DES: variants seen among roughly 807,000 people sequenced by gnomAD.
DES encodes cardiomyopathy, dilated 1F (autosomal dominant).
Under a neutral mutation model 55.1 loss-of-function variants are expected in DES, and 34 were observed. The observed-to-expected ratio is 0.62, with a 90% confidence interval of 0.47 to 0.82. DES has a LOEUF of 0.82. Among genes scored for constraint, DES ranks in the 40% least tolerant of loss-of-function variants. The probability of loss-of-function intolerance (pLI) is 0.00; values close to 1 mark genes in which losing one functional copy is unlikely to be tolerated. For synonymous variants in DES, 259 were observed against 270.8 expected (o/e 0.96, Z 0.43); for missense variants, 596 against 645.9 (o/e 0.92, Z 0.84).
chr2:219,426,029 C>T lies in DES; in HGVS notation c.*39C>T. On this transcript the variant is annotated 3_prime_UTR_variant, in exon 9 of 9. Coordinates refer to ENST00000373960, the MANE Select transcript of DES (RefSeq NM_001927.4). This position sits in a 1 kb window ranked among gnomAD's most constrained non-coding sequence, Gnocchi z 4.5. ...CTGCCACCAGAGACCGTCCTCACCC[C>T]TGTCCTCACTGCTCCCTGAAGCCAG... The T allele has an allele frequency of 6.2e-7, 1 of 1,610,760 alleles. No individual in the cohort carries two copies. Among genetic ancestry groups the T allele is most frequent in the Non-Finnish European group, 8.5e-7 (1 of 1,177,260 alleles).
chr2:219,426,060 T>C lies in DES; in HGVS notation c.*70T>C. 1.3e-6 allele frequency: 2 copies of C among 1,573,568 alleles called. No homozygotes were observed. Among genetic ancestry groups the C allele is most frequent in the South Asian group, 1.1e-5 (1 of 89,724 alleles). On this transcript the variant is annotated 3_prime_UTR_variant, in exon 9 of 9. Coordinates refer to ENST00000373960, the MANE Select transcript of DES (RefSeq NM_001927.4). The surrounding 1 kb of genome is among the most constrained non-coding windows in gnomAD (Gnocchi z 4.5). ...TCACTGCTCCCTGAAGCCAGCCTTC[T>C]TCCATCCCAGGACACCACACCCAGC... is the stretch of plus-strand genomic sequence containing the variant.
chr2:219,419,977 C>T lies in DES; in HGVS notation c.579-118C>T. On this transcript the variant is annotated intron_variant, in intron 1 of 8. Transcript: ENST00000373960. This position sits in a 1 kb window ranked among gnomAD's most constrained non-coding sequence, Gnocchi z 4.3. ...ACTCCCTGTCTCTCCTGCCTCTACC[C>T]AGCAGCCAGGCCCTCCCGCTCTGTC... 1 of 1,078,716 alleles carries T rather than the reference C, an allele frequency of 9.3e-7. No homozygotes were observed. The highest frequency in any genetic ancestry group is 1.4e-6 in the Non-Finnish European group (1 of 704,660). 66.8% of individuals were successfully genotyped at this position (1,078,716 alleles called of 1,614,324 possible).
Position 219,418,957 on chromosome 2 carries a change from G to C in DES, c.495G>C (p.Gln165His), listed in dbSNP as rs1386992791. Reference sequence around the variant, plus strand: ...AGGAGCTGCGGGAGCTGCGGCGCCAGGTGGAGGTGCTCACTAACCAGCGCG... The same window carrying C: ...AGGAGCTGCGGGAGCTGCGGCGCCACGTGGAGGTGCTCACTAACCAGCGCG... ...YEEELRELRR[Q>H]VEVLTNQRAR... The change falls in exon 1 of 9, where the codon CAG becomes CAC. Residue 165 changes from glutamine (Q) to histidine (H), a missense_variant. Transcript: ENST00000373960. The C allele has an allele frequency of 6.4e-7, 1 of 1,555,662 alleles. No individual in the cohort carries two copies. Among genetic ancestry groups the C allele is most frequent in the Non-Finnish European group, 8.7e-7 (1 of 1,149,764 alleles).
Position 219,418,508 on chromosome 2 carries a change from C to T in DES, c.46C>T (p.Arg16Cys), listed in dbSNP as rs60798368. The part of the protein sequence containing the change: ...SSSQRVSSYR[R>C]TFGGAPGFPL... ...CAGCCAGCGCGTGTCCTCCTACCGCCGCACCTTCGGCGGGGCCCCGGGCTT... is the reference window on the plus strand; with the variant it reads ...CAGCCAGCGCGTGTCCTCCTACCGCTGCACCTTCGGCGGGGCCCCGGGCTT... The change falls in exon 1 of 9, where the codon CGC (arginine) becomes TGC (cysteine). Residue 16 changes from arginine to cysteine, a missense_variant. By Grantham distance (180) the Arg-to-Cys change is radical (BLOSUM62 -3). Transcript: ENST00000373960. 2 of 1,603,396 alleles carry T rather than the reference C, an allele frequency of 1.2e-6. No homozygotes were observed. The highest frequency in any genetic ancestry group is 1.7e-6 in the Non-Finnish European group (2 of 1,176,932).
Position 219,420,960 on chromosome 2 carries a change from C to T in DES, c.1023+7C>T. 1 of 1,612,678 alleles carries T rather than the reference C, an allele frequency of 6.2e-7. No homozygotes were observed. On this transcript the variant is annotated splice_region_variant and intron_variant, in intron 5 of 8. Transcript: ENST00000373960. The surrounding 1 kb of genome is among the most constrained non-coding windows in gnomAD (Gnocchi z 6.0). The stretch of plus-strand genomic sequence containing the variant: ...TGACGCCCTGAAGGGCACTGTGAGT[C>T]CCTGCCCACCTGGCCAGGCCCTGCC...
At position 219,418,638 on chromosome 2, in the gene DES, C is replaced by T. The variant is rs773826073; in HGVS notation, c.176C>T (p.Thr59Met). 2 of 1,598,868 alleles carry T rather than the reference C, an allele frequency of 1.3e-6. No individual in the cohort carries two copies. The highest frequency in any genetic ancestry group is 1.1e-5 in the South Asian group (1 of 88,986). The part of the protein sequence containing the change: ...VTSRVYQVSR[T>M]SGGAGGLGSL... ...TCCCGCGTGTACCAGGTGTCGCGCA[C>T]GTCGGGCGGGGCCGGGGGCCTGGGG... The change falls in exon 1 of 9, where the codon ACG becomes ATG. Residue 59 changes from threonine to methionine, a missense_variant. Transcript: ENST00000373960.
intron 6 of DES, 53 bp downstream of exon 6, chr2:219,421,613 A>G (rs1954446802): frequency 6.4e-7 from 1 of 1,558,786 alleles, no homozygotes. Context: ...TGGGTGGTCC[A>G]TTTCTGTCCC....
rs1053865406 is a variant in DES, at chr2:219,420,414, G to A, written c.735+68G>A. ...AAAGCAGCCGGAAAGTGGGGTTGGG[G>A]TGAGGCTCTGGCTGGGAATAGGGGT... is the stretch of plus-strand genomic sequence containing the variant. On this transcript the variant is annotated intron_variant, in intron 3 of 8. Transcript: ENST00000373960. The surrounding 1 kb of genome is among the most constrained non-coding windows in gnomAD (Gnocchi z 6.0). 1 of 1,612,520 alleles carries A rather than the reference G, an allele frequency of 6.2e-7. No individual in the cohort carries two copies. Among genetic ancestry groups the A allele is most frequent in the African/African-American group, 1.3e-5 (1 of 74,888 alleles).
rs1392998522 is a variant in DES at position 219,423,675 on chromosome 2, G to C, written c.1245-102G>C. ...AGGATGGTCTCGATCTCCTGACCTGGTGATCCGCCCGCCTCGGCCTTTCAA... is the reference window on the plus strand; with the variant it reads ...AGGATGGTCTCGATCTCCTGACCTGCTGATCCGCCCGCCTCGGCCTTTCAA... On this transcript the variant is annotated intron_variant, in intron 6 of 8. Coordinates refer to ENST00000373960, the MANE Select transcript of DES (RefSeq NM_001927.4). 21 of 1,129,054 alleles carry C rather than the reference G, an allele frequency of 1.9e-5. No homozygotes were observed. The East Asian group carries it at 4.6e-4, about 25-fold the overall frequency. 69.9% of individuals were successfully genotyped at this position (1,129,054 alleles called of 1,614,324 possible).
chr2:219,420,865 A>G lies in DES; in HGVS notation c.935A>G (p.Asp312Gly). The change falls in exon 5 of 9, where the codon GAC becomes GGC. Residue 312 changes from aspartate (D) to glycine (G), a missense_variant. Transcript: ENST00000373960. This position sits in a 1 kb window ranked among gnomAD's most constrained non-coding sequence, Gnocchi z 6.0. ...ACCCAGGCAGCCAACAAGAACAACG[A>G]CGCCCTGCGCCAGGCCAAGCAGGAG... is the stretch of plus-strand genomic sequence containing the variant. ...DLTQAANKNN[D>G]ALRQAKQEMM... 6.2e-7 allele frequency: 1 copy of G among 1,613,674 alleles called. No homozygotes were observed. The highest frequency in any genetic ancestry group is 2.2e-5 in the East Asian group (1 of 44,844).
intron 7 of DES, 94 bp from the exon 8 acceptor site, chr2:219,425,569 G>A (rs953831104): frequency 9.1e-7 from 1 of 1,104,848 alleles, no homozygotes; most frequent in African/African-American, 1.6e-5. Context: ...GTCTGCTAGG[G>A]CTCTGCCCAA....
Position 219,418,661 on chromosome 2 carries a change from G to A in DES, c.199G>A (p.Gly67Arg), listed in dbSNP as rs753419517. The change falls in exon 1 of 9, where the codon GGG becomes AGG. Residue 67 changes from glycine (G) to arginine (R), a missense_variant. Transcript: ENST00000373960. Reference sequence around the variant, plus strand: ...CACGTCGGGCGGGGCCGGGGGCCTGGGGTCGCTGCGGGCCAGCCGGCTGGG... The same window carrying A: ...CACGTCGGGCGGGGCCGGGGGCCTGAGGTCGCTGCGGGCCAGCCGGCTGGG... ...SRTSGGAGGL[G>R]SLRASRLGTT... 3.8e-6 allele frequency: 6 copies of A among 1,585,948 alleles called. No individual in the cohort carries two copies. The South Asian group carries it at 4.6e-5, about 12-fold the overall frequency.
intron 7 of DES, among the ~76,000 whole-genome samples, chr2:219,424,401 A>G (rs1954500000): frequency 6.6e-6 from 1 of 152,250 alleles, no homozygotes; most frequent in Non-Finnish European, 1.5e-5. Context: ...CCCAGAGAGC[A>G]GAGAAACACA....
At chr2:219,423,981 T>C (rs1306091779) in intron 7 of DES, 161 bp downstream of exon 7, 9 of 756,676 alleles carry the variant, frequency 1.2e-5, no homozygotes. Flanking sequence ...GGTGGGGGAG[T>C]TTAGGTAGAG....
Position 219,426,333 on chromosome 2 carries a change from C to T in DES, c.*343C>T, listed in dbSNP as rs1058616. 2.1e-6 allele frequency: 1 copy of T among 474,008 alleles called. No individual in the cohort carries two copies. The highest frequency in any genetic ancestry group is 3.9e-6 in the Non-Finnish European group (1 of 256,310). The allele number at this position is 474,008 out of a possible 1,614,324, so 29.4% of individuals were successfully genotyped here. On this transcript the variant is annotated 3_prime_UTR_variant, in exon 9 of 9. Transcript: ENST00000373960. This position sits in a 1 kb window ranked among gnomAD's most constrained non-coding sequence, Gnocchi z 4.5. ...AGGCACTAGCCTTTGGCTCTGGAGA[C>T]AGCCCCAGAGCAGGGTGTTGGGATA...
chr2:219,418,853 C>G lies in DES; in HGVS notation c.391C>G (p.Gln131Glu). The G allele has an allele frequency of 6.3e-7, 1 of 1,580,694 alleles. No individual in the cohort carries two copies. Among genetic ancestry groups the G allele is most frequent in the Non-Finnish European group, 8.6e-7 (1 of 1,163,428 alleles). The change falls in exon 1 of 9, where the codon CAG (glutamine) becomes GAG (glutamate). Residue 131 changes from glutamine (Q) to glutamate (E), a missense_variant. Gln to Glu is a conservative substitution (Grantham distance 29). Coordinates refer to ENST00000373960, the MANE Select transcript of DES (RefSeq NM_001927.4). ...CATCGAGAAGGTGCGCTTCCTGGAG[C>G]AGCAGAACGCGGCGCTCGCCGCCGA... ...NYIEKVRFLE[Q>E]QNAALAAEVN...
chr2:219,424,142 G>A (rs1232218051), intron 7 of DES, among the ~76,000 whole-genome samples: 2 of 152,232 alleles, frequency 1.3e-5, no homozygotes, highest in Non-Finnish European at 2.9e-5. Context: ...TGTCCTTGGG[G>A]ACCTGGCTTC....
At position 219,425,677 on chromosome 2, in the gene DES, C is replaced by T; in HGVS notation, c.1303C>T (p.Gln435Ter). 1 of 1,583,388 alleles carries T rather than the reference C, an allele frequency of 6.3e-7. No individual in the cohort carries two copies. The highest frequency in any genetic ancestry group is 8.6e-7 in the Non-Finnish European group (1 of 1,164,402). Residue 435 changes from glutamine to a stop codon, truncating the protein, a stop_gained, in exon 8 of 9, where the codon CAA (glutamine) becomes TAA (stop). Transcript: ENST00000373960. LOFTEE classifies it high-confidence loss of function. Reference sequence around the variant, plus strand: ...CCCTGTTACAGAAACCAGCCCTGAGCAAAGGGGTTCTGAGGTCCATACCAA... The same window carrying T: ...CCCTGTTACAGAAACCAGCCCTGAGTAAAGGGGTTCTGAGGTCCATACCAA... ...ALNFRETSPEQRGSEVHTKKT... is the reference protein window; with the variant it reads ...ALNFRETSPE
At chr2:219,424,195 C>T (rs951057208) in intron 7 of DES, among the ~76,000 whole-genome samples, 4 of 152,228 alleles carry the variant, frequency 2.6e-5, no homozygotes, top group Admixed American at 6.5e-5. Context: ...ACCCACAGCC[C>T]ATTGTCTGTT....
Sources: allele counts gnomAD v4.1 joint callset (sites outside exome capture counted in the v4.1 genomes callset), GRCh38; gene constraint gnomAD v4.1.1; non-coding constraint Gnocchi (gnomAD v3.1); transcripts MANE v1.5; gene names NCBI Gene and HGNC (gene_info 2026-07-23, HGNC 2026-07-21).